MYO5B: variants seen among roughly 807,000 people sequenced by gnomAD.
MYO5B encodes the protein myosin VB, also known as unconventional myosin-Vb.
Under a neutral mutation model 229.3 loss-of-function variants are expected in MYO5B, and 143 were observed. The ratio of observed to expected loss-of-function variants is 0.62; its 90% CI spans 0.54 to 0.72. MYO5B has a LOEUF of 0.72. Among genes scored for constraint, MYO5B ranks in the 30% least tolerant of loss-of-function variants. The probability of loss-of-function intolerance (pLI) is 0.00; values close to 1 mark genes in which losing one functional copy is unlikely to be tolerated. For missense variants in MYO5B, 2,321 were observed against 2,331.0 expected (o/e 1.00, Z 0.09); for synonymous variants, 918 against 885.2 (o/e 1.04, Z -0.66).
chr18:50,001,084 C>T (rs924285021), intron 5 of MYO5B, among the ~76,000 whole-genome samples, 171 bp downstream of exon 5: 1 of 152,196 alleles, frequency 6.6e-6, no homozygotes, highest in African/African-American at 2.4e-5. Context: ...AAAGACACAA[C>T]CAGGTCAACA....
intron 17 of MYO5B, 106 bp downstream of exon 17, chr18:49,929,406 T>G: frequency 1.1e-6 from 1 of 875,204 alleles, no homozygotes; most frequent in Non-Finnish European, 1.8e-6. Flanking sequence ...GGAACCGTTT[T>G]GAAGGATCTG....
At chr18:49,841,611 T>C (rs2024058603) in intron 34 of MYO5B, among the ~76,000 whole-genome samples, 157 bp from the exon 35 acceptor site, 1 of 152,188 alleles carries the variant, frequency 6.6e-6, no homozygotes, top group Non-Finnish European at 1.5e-5. Context: ...TTGAGACCCA[T>C]TGCTGAGAGG....
At chr18:50,147,277 G>A (rs959550921) in intron 1 of MYO5B, among the ~76,000 whole-genome samples, 1 of 151,946 alleles carries the variant, frequency 6.6e-6, no homozygotes, top group African/African-American at 2.4e-5. Context: ...CCCTTAGCTC[G>A]CTCCCTTCAC....
intron 1 of MYO5B, among the ~76,000 whole-genome samples, chr18:50,157,429 C>G (rs1240824573): frequency 6.6e-6 from 1 of 152,094 alleles, no homozygotes; most frequent in Non-Finnish European, 1.5e-5. Context: ...GTGATCTGAC[C>G]CGGGTCTCTT....
intron 1 of MYO5B, 66 bp downstream of exon 1, chr18:50,194,701 T>G: frequency 2.5e-6 from 3 of 1,195,434 alleles, no homozygotes; most frequent in Non-Finnish European, 3.5e-6. Flanking sequence ...AAGGCGACCC[T>G]GAGTACTAGG....
At chr18:49,841,222 G>A (rs1054992200) in intron 35 of MYO5B, 143 bp downstream of exon 35, 38 of 791,912 alleles carry the variant, frequency 4.8e-5, no homozygotes, top group Non-Finnish European at 7.4e-5. Flanking sequence ...TTCCAGCCAC[G>A]AGGCATGATA....
chr18:49,891,035 G>A (rs146720736), intron 22 of MYO5B, among the ~76,000 whole-genome samples: 34 of 152,254 alleles, frequency 2.2e-4, no homozygotes, highest in African/African-American at 8.2e-4. Context: ...TCATCTCTCT[G>A]GAGGTTTCAT....
At chr18:49,938,993 C>G (rs1266346857) in intron 14 of MYO5B, among the ~76,000 whole-genome samples, 1 of 152,100 alleles carries the variant, frequency 6.6e-6, no homozygotes, top group Non-Finnish European at 1.5e-5. Context: ...CTTGCTGAGA[C>G]TTCCCTTCCT....
chr18:49,921,180 G>C (rs1012042583), intron 17 of MYO5B, among the ~76,000 whole-genome samples: 5 of 151,760 alleles, frequency 3.3e-5, no homozygotes, highest in Non-Finnish European at 1.5e-5. Context: ...AGGAAGAAGT[G>C]GAAGTCTTTT....
intron 1 of MYO5B, among the ~76,000 whole-genome samples, chr18:50,160,440 T>C (rs1007761815): frequency 6.6e-6 from 1 of 152,184 alleles, no homozygotes; most frequent in Admixed American, 6.5e-5. Flanking sequence ...GACCAGTTAA[T>C]ATTTACTTAA....
chr18:49,935,577 T>G (rs2025240355), intron 16 of MYO5B, among the ~76,000 whole-genome samples: 1 of 152,214 alleles, frequency 6.6e-6, no homozygotes, highest in Non-Finnish European at 1.5e-5. Context: ...TCAGATGTGC[T>G]GAAGGCAAGG....
At chr18:49,987,671 C>G (rs754032296) in intron 7 of MYO5B, among the ~76,000 whole-genome samples, 1 of 152,158 alleles carries the variant, frequency 6.6e-6, no homozygotes, top group Non-Finnish European at 1.5e-5. Context: ...GGAGGCTATG[C>G]TCTGACCTAT....
intron 4 of MYO5B, among the ~76,000 whole-genome samples, chr18:50,029,788 C>T (rs2026368205): frequency 6.6e-6 from 1 of 152,188 alleles, no homozygotes; most frequent in South Asian, 2.1e-4. Flanking sequence ...AGAGTCTACC[C>T]CTGGACACAT....
At chr18:50,151,746 T>A (rs995598187) in intron 1 of MYO5B, among the ~76,000 whole-genome samples, 3 of 152,192 alleles carry the variant, frequency 2.0e-5, no homozygotes, top group African/African-American at 7.2e-5. Context: ...ATCAGAGAAT[T>A]CTGTTTTGGC....
chr18:50,084,419 C>T (rs1336909163), intron 1 of MYO5B, among the ~76,000 whole-genome samples: 1 of 152,174 alleles, frequency 6.6e-6, no homozygotes, highest in African/African-American at 2.4e-5. Flanking sequence ...GGCCTCAATA[C>T]TCTCAGGGCA....
intron 9 of MYO5B, among the ~76,000 whole-genome samples, chr18:49,976,733 T>G (rs1487658600): frequency 6.6e-6 from 1 of 152,108 alleles, no homozygotes; most frequent in African/African-American, 2.4e-5. Flanking sequence ...AGCCCCCATC[T>G]TTTCACACTC....
chr18:50,040,866 AT>A (rs1199709563), intron 2 of MYO5B, among the ~76,000 whole-genome samples: 1 of 152,220 alleles, frequency 6.6e-6, no homozygotes, highest in Non-Finnish European at 1.5e-5. Context: ...ACATATGTGC[AT>A]AACCAGGGAG....
intron 26 of MYO5B, among the ~76,000 whole-genome samples, chr18:49,874,556 G>GA (rs533941189): frequency 4.6e-5 from 7 of 151,770 alleles, no homozygotes; most frequent in Admixed American, 1.3e-4. Context: ...TGCTCAGGGG[G>GA]AAAAAAAACA....
At chr18:50,014,296 A>AAAAC (rs57963030) in intron 4 of MYO5B, among the ~76,000 whole-genome samples, 1 of 147,134 alleles carries the variant, frequency 6.8e-6, no homozygotes, top group African/African-American at 2.5e-5. Context: ...AAAAAAAAAA[A>AAAAC]CTACGGGTAT....
Sources: gnomAD v4.1 joint callset for allele counts (sites outside exome capture counted in the v4.1 genomes callset) on GRCh38, gnomAD v4.1.1 for gene constraint, MANE v1.5 for transcripts, NCBI Gene and HGNC (gene_info 2026-07-23, HGNC 2026-07-21) for gene names.